The following PCDH15 variants were observed in gnomAD, a reference collection of about 807,000 sequenced individuals.
PCDH15 encodes the protein protocadherin related 15.
In PCDH15, 129 loss-of-function variants were observed where a neutral mutation model predicts 178.5. The observed-to-expected ratio is 0.72, with a 90% CI of 0.63 to 0.84. The LOEUF (loss-of-function observed/expected upper bound fraction) is 0.84. Among genes scored for constraint, PCDH15 ranks in the 40% least tolerant of loss-of-function variants. PCDH15 has a pLI of 0.00. For missense variants in PCDH15, 2,230 were observed against 2,099.9 expected, an observed-to-expected ratio of 1.06 and a Z score of -1.21; for synonymous variants, 800 against 732.0, an observed-to-expected ratio of 1.09 and a Z score of -1.50.
intron 16 of PCDH15, among the ~76,000 whole-genome samples, chr10:54,088,026 C>A (rs1383538917): frequency 1.3e-5 from 2 of 152,176 alleles, no homozygotes; most frequent in Non-Finnish European, 2.9e-5. Context: ...AGAAGCAGAG[C>A]AGGTGCCAGC....
chr10:55,250,848 T>C (rs984613420), intron 1 of PCDH15, among the ~76,000 whole-genome samples: 1 of 152,098 alleles, frequency 6.6e-6, no homozygotes, highest in African/African-American at 2.4e-5. Flanking sequence ...AAATTCTTAT[T>C]GGTACTATTC....
chr10:54,813,244 C>G (rs1203038281), intron 3 of PCDH15, among the ~76,000 whole-genome samples: 1 of 152,162 alleles, frequency 6.6e-6, no homozygotes, highest in Non-Finnish European at 1.5e-5. Context: ...GTCTTTCTCC[C>G]TAGACTTTTA....
intron 2 of PCDH15, among the ~76,000 whole-genome samples, chr10:54,643,772 C>CA (rs1237567827): frequency 2.6e-5 from 3 of 116,860 alleles, no homozygotes; most frequent in Non-Finnish European, 5.6e-5. Context: ...CAGTTATTTT[C>CA]TTTTTTTTTT....
intron 15 of PCDH15, among the ~76,000 whole-genome samples, chr10:54,119,217 AAAAC>A (rs2095171476): frequency 6.6e-6 from 1 of 152,190 alleles, no homozygotes; most frequent in Non-Finnish European, 1.5e-5. Flanking sequence ...AATAAGATCC[AAAAC>A]AAACTTGAAA....
At chr10:54,344,290 C>A (rs1942824154) in intron 6 of PCDH15, among the ~76,000 whole-genome samples, 1 of 151,886 alleles carries the variant, frequency 6.6e-6, no homozygotes, top group Non-Finnish European at 1.5e-5. Flanking sequence ...TTTGAAAATG[C>A]ATGTGGTTGA....
intron 21 of PCDH15, among the ~76,000 whole-genome samples, chr10:53,962,095 A>G (rs1467306789): frequency 6.6e-6 from 1 of 152,020 alleles, no homozygotes; most frequent in Admixed American, 6.6e-5. Context: ...TATCTCTACT[A>G]CAGGTTATTT....
rs753258373 is a variant in PCDH15, at chr10:55,214,302, CA to C, written c.-155-47652del. On this transcript the variant is annotated intron_variant, in intron 1 of 5. Coordinates refer to the PCDH15 transcript ENST00000458638. The stretch of plus-strand genomic sequence containing the variant: ...AAGTCCAAATTTTATATAGCCTTAT[CA>C]TTTTTTTATTATTATTTTCATAGAC... 4.6e-4 allele frequency among the ~76,000 whole-genome samples: 68 copies of C among 146,364 alleles called. 1 individual carries two copies. The highest frequency in any genetic ancestry group is 8.1e-4 in the East Asian group (4 of 4,916).
chr10:53,952,020 A>G (rs2087110902), intron 23 of PCDH15, among the ~76,000 whole-genome samples: 1 of 152,198 alleles, frequency 6.6e-6, no homozygotes, highest in African/African-American at 2.4e-5. Context: ...CTGGATGAGG[A>G]GAACGTGGTG....
At chr10:54,166,531 G>A (rs2046247441) in intron 13 of PCDH15, among the ~76,000 whole-genome samples, 1 of 152,176 alleles carries the variant, frequency 6.6e-6, no homozygotes, top group Admixed American at 6.5e-5. Flanking sequence ...TGCCAAACTG[G>A]ATGAGCAAGT....
At chr10:54,951,003 T>TC (rs1838324111) in intron 2 of PCDH15, among the ~76,000 whole-genome samples, 1 of 151,928 alleles carries the variant, frequency 6.6e-6, no homozygotes. Flanking sequence ...AAATATAGGT[T>TC]CCCCTATTCT....
intron 2 of PCDH15, among the ~76,000 whole-genome samples, chr10:55,411,978 G>T (rs966682890): frequency 2.6e-5 from 4 of 152,060 alleles, no homozygotes; most frequent in African/African-American, 7.2e-5. Context: ...CAGTGGGAAT[G>T]ATTGGCTATT....
chr10:54,792,356 T>C (rs889810932), intron 1 of PCDH15, among the ~76,000 whole-genome samples: 3 of 151,930 alleles, frequency 2.0e-5, no homozygotes, highest in Non-Finnish European at 4.4e-5. Flanking sequence ...AGAAAGCAGG[T>C]AGCTGCCACT....
intron 3 of PCDH15, among the ~76,000 whole-genome samples, chr10:54,383,629 T>TTGTGTGTGTGTGTG (rs71461236): frequency 8.5e-6 from 1 of 117,532 alleles, no homozygotes; most frequent in African/African-American, 3.3e-5. Context: ...ATGTGTGTTT[T>TTGTGTGTGTGTGTG]TGTGTGTGTG....
intron 8 of PCDH15, among the ~76,000 whole-genome samples, chr10:54,306,575 G>C (rs1338428170): frequency 6.6e-6 from 1 of 151,974 alleles, no homozygotes; most frequent in Non-Finnish European, 1.5e-5. Context: ...CGATATCATA[G>C]ATCCAAAGTC....
chr10:54,306,999 AAT>A (rs201669994), intron 8 of PCDH15, among the ~76,000 whole-genome samples: 2 of 99,582 alleles, frequency 2.0e-5, no homozygotes, highest in South Asian at 3.4e-4. Flanking sequence ...TTTGAAATTA[AAT>A]ATATATATAT....
intron 5 of PCDH15, among the ~76,000 whole-genome samples, chr10:54,354,144 C>T (rs540865594): frequency 6.6e-6 from 1 of 152,236 alleles, no homozygotes; most frequent in Admixed American, 6.5e-5. Context: ...CGCCACCACG[C>T]CTGGCTAATT....
chr10:54,195,544 AATTAT>A (rs2049515961), intron 11 of PCDH15, 134 bp downstream of exon 11: 3 of 701,620 alleles, frequency 4.3e-6, no homozygotes, highest in Middle Eastern at 7.2e-4. Context: ...TTTGGAATTA[AATTAT>A]AACACTAAAA....
At chr10:54,798,776 A>G (rs555574487) in intron 1 of PCDH15, among the ~76,000 whole-genome samples, 5 of 152,200 alleles carry the variant, frequency 3.3e-5, no homozygotes, top group African/African-American at 1.2e-4. Flanking sequence ...TTCTCCCAGC[A>G]TTAGGGCTAC....
intron 1 of PCDH15, among the ~76,000 whole-genome samples, chr10:54,718,421 C>G (rs1364565744): frequency 3.3e-5 from 5 of 152,018 alleles, no homozygotes; most frequent in African/African-American, 1.2e-4. Flanking sequence ...AAATAACATT[C>G]AGGAAAGCCA....
Sources: gnomAD v4.1 joint callset for allele counts (sites outside exome capture counted in the v4.1 genomes callset) on GRCh38, gnomAD v4.1.1 for gene constraint, MANE v1.5 for transcripts, NCBI Gene and HGNC (gene_info 2026-07-23, HGNC 2026-07-21) for gene names.